ELFN1: variants seen among roughly 807,000 people sequenced by gnomAD.
ELFN1 encodes protein ELFN1.
Under a neutral mutation model 7.6 loss-of-function variants are expected in ELFN1, and 6 were observed. That is an observed-to-expected ratio of 0.79 (90% CI 0.43 to 1.56). ELFN1 has a LOEUF of 1.56. Among genes scored for constraint, ELFN1 ranks in the 40% most tolerant of loss-of-function variants. The pLI, the probability that ELFN1 is intolerant of heterozygous loss-of-function variation, is 0.01. For synonymous variants in ELFN1, 657 were observed against 588.1 expected, an observed-to-expected ratio of 1.12 and a Z score of -1.70; for missense variants, 1,169 against 1,232.2, an observed-to-expected ratio of 0.95 and a Z score of 0.77.
rs529053728 is a variant in ELFN1 at position 1,735,958 on chromosome 7, G to A, written c.-293-8346G>A. Among the ~76,000 whole-genome samples the A allele has an allele frequency of 2.0e-5, 3 of 152,296 alleles. No individual in the cohort carries two copies. The highest frequency in any genetic ancestry group is 3.9e-4 in the East Asian group (2 of 5,168). On this transcript the variant is annotated intron_variant, in intron 3 of 3. Transcript: ENST00000424383. This position sits in a 1 kb window ranked among gnomAD's most constrained non-coding sequence, Gnocchi z 5.9. ...GTGACATGCCCAAGGTCACACAGCA[G>A]GCGCACGGCAGAGCCAACACCATCT...
At chr7:1,719,012 C>G (rs118159937) in intron 3 of ELFN1, among the ~76,000 whole-genome samples, 1,596 of 152,248 alleles carry the variant, frequency 0.01, 16 homozygotes, top group Non-Finnish European at 0.018. Context: ...CTGGGACCAG[C>G]CCGGAGCTGT....
intron 3 of ELFN1, among the ~76,000 whole-genome samples, chr7:1,731,191 G>A (rs1321030525): frequency 1.3e-5 from 2 of 152,170 alleles, no homozygotes; most frequent in African/African-American, 4.8e-5. Context: ...GGTGAGATGT[G>A]CCGTGTTGGA....
chr7:1,742,644 C>T (rs1780659104), intron 3 of ELFN1, among the ~76,000 whole-genome samples: 1 of 152,232 alleles, frequency 6.6e-6, no homozygotes, highest in African/African-American at 2.4e-5. Flanking sequence ...GTGGGCCTAG[C>T]CAGGTCCTGC....
At chr7:1,702,236 A>G (rs781568221) in intron 2 of ELFN1, among the ~76,000 whole-genome samples, 1 of 152,156 alleles carries the variant, frequency 6.6e-6, no homozygotes, top group South Asian at 2.1e-4. Context: ...CATCCTGGCT[A>G]ACACGGTGAA....
intron 1 of ELFN1, among the ~76,000 whole-genome samples, chr7:1,679,314 T>C (rs1056994722): frequency 1.3e-5 from 2 of 152,088 alleles, no homozygotes; most frequent in African/African-American, 4.8e-5. Flanking sequence ...CCTGGGTCCA[T>C]TGTGCTGGCA....
rs946586464 is a variant in ELFN1, at chr7:1,670,836, G to A, written c.-549+482G>A. Among the ~76,000 whole-genome samples, 1 of 151,824 alleles carries A rather than the reference G, an allele frequency of 6.6e-6. No homozygotes were observed. The highest frequency in any genetic ancestry group is 1.5e-5 in the Non-Finnish European group (1 of 67,926). ...CCTGCTGGGCCGCCCTCCCCCCGAC[G>A]CTGCGAGCCTCCTCGCTCCGCGCGG... is the stretch of plus-strand genomic sequence containing the variant. On this transcript the variant is annotated intron_variant, in intron 1 of 3. Coordinates refer to ENST00000424383, the MANE Select transcript of ELFN1 (RefSeq NM_001128636.4). This position sits in a 1 kb window ranked among gnomAD's most constrained non-coding sequence, Gnocchi z 6.4.
chr7:1,738,006 T>C (rs1243098084), intron 3 of ELFN1, among the ~76,000 whole-genome samples: 3 of 152,174 alleles, frequency 2.0e-5, no homozygotes, highest in Admixed American at 6.5e-5. Flanking sequence ...GTAGGCTCAG[T>C]CCTGGGACAG....
At chr7:1,719,807 C>CCCA in intron 3 of ELFN1, among the ~76,000 whole-genome samples, 1 of 152,110 alleles carries the variant, frequency 6.6e-6, no homozygotes, top group African/African-American at 2.4e-5. Flanking sequence ...CAAACCCTTC[C>CCCA]CCACCATCAC....
rs1027661033 is a variant in ELFN1 at position 1,745,135 on chromosome 7, C to G, written c.539C>G (p.Ala180Gly). The G allele has an allele frequency of 1.3e-5, 20 of 1,550,718 alleles. No individual in the cohort carries two copies. The highest frequency in any genetic ancestry group is 1.7e-5 in the Non-Finnish European group (20 of 1,146,992). Reference sequence around the variant, plus strand: ...AACAGCGGCACCTTCGCCGGCCTGGCCAAGCTGTCGGTGTGCGAGCTCTAC... The same window carrying G: ...AACAGCGGCACCTTCGCCGGCCTGGGCAAGCTGTCGGTGTGCGAGCTCTAC... ...QLNSGTFAGL[A>G]KLSVCELYSN... Residue 180 changes from alanine (A) to glycine (G), a missense_variant, in exon 4 of 4, where the codon GCC becomes GGC. This residue lies in a region of ELFN1 where 255 missense variants were observed against 359.6 expected (regional missense o/e 0.71). Coordinates refer to ENST00000424383, the MANE Select transcript of ELFN1 (RefSeq NM_001128636.4).
upstream of ELFN1, among the ~76,000 whole-genome samples, chr7:1,666,643 G>A (rs1778675147): frequency 6.6e-6 from 1 of 152,072 alleles, no homozygotes; most frequent in African/African-American, 2.4e-5. The surrounding 1 kb of genome is among the most constrained non-coding windows in gnomAD (Gnocchi z 7.9). Flanking sequence ...GAAAGAGGGG[G>A]AGGGGGCTGG....
At chr7:1,677,580 G>A (rs971082849) in intron 1 of ELFN1, among the ~76,000 whole-genome samples, 6 of 152,122 alleles carry the variant, frequency 3.9e-5, no homozygotes, top group African/African-American at 9.7e-5. Flanking sequence ...GTGCACACAC[G>A]TGCATGAACT....
Position 1,744,423 on chromosome 7 carries a change from GGCGCCCTCCCTCCCCGCGCTTACGTCGC to G in ELFN1, c.-170_-143del. ...ACGAGAGGCGGCCGGCCGTGAGGGA[GGCGCCCTCCCTCCCCGCGCTTACGTCGC>G]GCGGCCATGCGGTTTGGGACAGGAC... is the stretch of plus-strand genomic sequence containing the variant. On this transcript the variant is annotated 5_prime_UTR_variant, in exon 4 of 4. Coordinates refer to ENST00000424383, the MANE Select transcript of ELFN1 (RefSeq NM_001128636.4). 1.4e-6 allele frequency: 1 copy of G among 698,852 alleles called. No homozygotes were observed. The highest frequency in any genetic ancestry group is 2.2e-6 in the Non-Finnish European group (1 of 452,768). The allele number at this position is 698,852 out of a possible 1,614,324, so 43.3% of individuals were successfully genotyped here. A position where few individuals can be genotyped will look rare whatever the true frequency, so the allele number is the denominator to read the frequency against.
At chr7:1,728,964 G>C (rs983923690) in intron 3 of ELFN1, among the ~76,000 whole-genome samples, 4 of 152,176 alleles carry the variant, frequency 2.6e-5, no homozygotes, top group Admixed American at 2.6e-4. Flanking sequence ...TGTCAGAAAG[G>C]TAAACTGAGG....
At chr7:1,725,393 A>G (rs1460763708) in intron 3 of ELFN1, among the ~76,000 whole-genome samples, 2 of 151,458 alleles carry the variant, frequency 1.3e-5, no homozygotes, top group Non-Finnish European at 2.9e-5. Context: ...GAGGCCGGTG[A>G]CAGGTGCGTG....
At chr7:1,696,848 C>G (rs1195158289) in intron 2 of ELFN1, among the ~76,000 whole-genome samples, 1 of 152,216 alleles carries the variant, frequency 6.6e-6, no homozygotes, top group Non-Finnish European at 1.5e-5. Context: ...GGGCACACTT[C>G]AGCCCACGGC....
In ELFN1 at chr7:1,746,287, A is replaced by C; in HGVS notation, c.1691A>C (p.Lys564Thr). ...EISTIAKEVD[K>T]VNQIINNCID... Reference sequence around the variant, plus strand: ...TCCACCATCGCCAAGGAGGTGGACAAGGTCAACCAGATCATCAACAACTGC... The same window carrying C: ...TCCACCATCGCCAAGGAGGTGGACACGGTCAACCAGATCATCAACAACTGC... Residue 564 changes from lysine to threonine, a missense_variant, in exon 4 of 4, where the codon AAG becomes ACG. Around this residue, in one of 2 missense-constraint regions of ELFN1, gnomAD observed 914 missense variants for 872.6 expected, o/e 1.05. Transcript: ENST00000424383. 6.3e-7 allele frequency: 1 copy of C among 1,596,152 alleles called. No individual in the cohort carries two copies. The highest frequency in any genetic ancestry group is 8.5e-7 in the Non-Finnish European group (1 of 1,172,448).
intron 2 of ELFN1, among the ~76,000 whole-genome samples, chr7:1,699,105 G>T (rs916537255): frequency 4.6e-5 from 7 of 152,198 alleles, no homozygotes; most frequent in Admixed American, 3.9e-4. Flanking sequence ...ATCCTTGTTA[G>T]ATGTGATGGC....
At chr7:1,698,057 T>G (rs1779355459) in intron 2 of ELFN1, among the ~76,000 whole-genome samples, 1 of 152,210 alleles carries the variant, frequency 6.6e-6, no homozygotes, top group African/African-American at 2.4e-5. Context: ...AATAAATATT[T>G]CCAAATGTGC....
At position 1,745,916 on chromosome 7, in the gene ELFN1, G is replaced by A; in HGVS notation, c.1320G>A (p.Leu440=). 3.2e-6 allele frequency: 5 copies of A among 1,572,716 alleles called. No individual in the cohort carries two copies. Among genetic ancestry groups the A allele is most frequent in the Non-Finnish European group, 4.3e-6 (5 of 1,161,284 alleles). ...VLVLGAVYYC[L]RRRRRQEEKH... is the part of the protein sequence containing the mutation. ...TGCTGGGCGCCGTCTACTACTGCCT[G>A]CGCAGGCGGCGGCGCCAGGAGGAGA... Residue 440 remains leucine, a synonymous_variant, in exon 4 of 4, where the codon CTG becomes CTA. Transcript: ENST00000424383.
Sources: allele counts gnomAD v4.1 joint callset (sites outside exome capture counted in the v4.1 genomes callset), GRCh38; gene constraint gnomAD v4.1.1; regional missense constraint gnomAD v4.1.1; non-coding constraint Gnocchi (gnomAD v3.1); transcripts MANE v1.5; gene names NCBI Gene and HGNC (gene_info 2026-07-23, HGNC 2026-07-21).